The following CALN1 variants were observed in gnomAD, a reference collection of about 807,000 sequenced individuals.
The protein encoded by CALN1 is calcium-binding protein 8.
In CALN1, 17 loss-of-function variants were observed where a neutral mutation model predicts 30.6. The observed-to-expected ratio is 0.56, with a 90% confidence interval of 0.38 to 0.83. CALN1 has a LOEUF of 0.83. Ranked by LOEUF, CALN1 falls within the 40% of genes least tolerant of loss-of-function variation. The pLI, the probability that CALN1 is intolerant of heterozygous loss-of-function variation, is 0.00. For missense variants in CALN1, 291 were observed against 354.9 expected (o/e 0.82, Z 1.45); for synonymous variants, 156 against 131.4 (o/e 1.19, Z -1.28).
At chr7:71,890,817 C>T (rs533300174) in intron 5 of CALN1, among the ~76,000 whole-genome samples, 1 of 139,418 alleles carries the variant, frequency 7.2e-6, no homozygotes, top group East Asian at 2.1e-4. Context: ...GCAGTTATGG[C>T]TCACTGCAGC....
At chr7:71,924,004 C>T (rs1795122023) in intron 5 of CALN1, among the ~76,000 whole-genome samples, 2 of 152,028 alleles carry the variant, frequency 1.3e-5, no homozygotes, top group Non-Finnish European at 2.9e-5. Flanking sequence ...ACCATCCTGG[C>T]CAACATGGTG....
rs1383631732 is a variant in CALN1, at chr7:71,786,538, T to G, written c.*1237A>C. The G allele has an allele frequency of 6.6e-6, 1 of 152,218 alleles. No individual in the cohort carries two copies. The highest frequency in any genetic ancestry group is 2.4e-5 in the African/African-American group (1 of 41,456). 9.4% of individuals were successfully genotyped at this position (152,218 alleles called of 1,614,324 possible). On this transcript the variant is annotated 3_prime_UTR_variant, in exon 7 of 7. Coordinates refer to ENST00000395275, the MANE Select transcript of CALN1 (RefSeq NM_031468.4). ...GGCAGGAGTAAATTACCTGTTCTGT[T>G]GGCTAAACTCATAAACATCTTTTCC...
chr7:72,384,638 C>T (rs959874457), intron 2 of CALN1, among the ~76,000 whole-genome samples: 19 of 151,330 alleles, frequency 1.3e-4, no homozygotes, highest in Admixed American at 4.6e-4. Flanking sequence ...AGTGAGACCC[C>T]GTCTCAAGAA....
At chr7:72,363,808 A>C (rs1585584780) in intron 2 of CALN1, among the ~76,000 whole-genome samples, 1 of 147,960 alleles carries the variant, frequency 6.8e-6, no homozygotes, top group East Asian at 2.0e-4. Flanking sequence ...GCTCACTGCA[A>C]CCCCCGCCTC....
At chr7:72,467,264 A>G in the CALN1 span, among the ~76,000 whole-genome samples, 5 of 152,096 alleles carry the variant, frequency 3.3e-5, no homozygotes, top group Non-Finnish European at 5.9e-5. Context: ...GAGGTCCCCA[A>G]TCCTGCTGGT....
intron 5 of CALN1, among the ~76,000 whole-genome samples, chr7:71,848,447 G>A (rs1790446512): frequency 1.3e-5 from 2 of 152,124 alleles, no homozygotes; most frequent in African/African-American, 4.8e-5. Context: ...AACTAGGGGA[G>A]ACCTTTCTTC....
Position 71,833,404 on chromosome 7 carries a change from C to CAATG in CALN1, c.502-22916_502-22913dup, listed in dbSNP as rs530888391. ...TGTCCTAAGAAACGGGTAAAACAACCAATGCATGGAGGAAAATCCTCACTT... is the reference window on the plus strand; with the variant it reads ...TGTCCTAAGAAACGGGTAAAACAACCAATGAATGCATGGAGGAAAATCCTCACTT... On this transcript the variant is annotated intron_variant, in intron 5 of 6. Transcript: ENST00000395275. Among the ~76,000 whole-genome samples the CAATG allele has an allele frequency of 7.9e-5, 12 of 152,000 alleles. No homozygotes were observed. In the South Asian group the frequency reaches 2.5e-3, roughly 32 times the overall value.
At chr7:72,378,671 T>G (rs1316266389) in intron 2 of CALN1, among the ~76,000 whole-genome samples, 1 of 127,990 alleles carries the variant, frequency 7.8e-6, no homozygotes, top group South Asian at 3.0e-4. Flanking sequence ...TTATAATTTT[T>G]ATTTCCATCT....
chr7:72,180,312 CAACTATAGTGA>C (rs1475680364), intron 3 of CALN1, among the ~76,000 whole-genome samples: 8 of 152,126 alleles, frequency 5.3e-5, no homozygotes. Flanking sequence ...CTAGATATGC[CAACTATAGTGA>C]CAACTAGCAG....
chr7:71,973,746 T>C (rs1439508074), intron 5 of CALN1, among the ~76,000 whole-genome samples: 3 of 152,110 alleles, frequency 2.0e-5, no homozygotes, highest in African/African-American at 7.2e-5. Flanking sequence ...CCATTATCAC[T>C]GAAAATGAGC....
chr7:71,791,855 A>G (rs1786571834), intron 6 of CALN1, among the ~76,000 whole-genome samples: 1 of 152,090 alleles, frequency 6.6e-6, no homozygotes, highest in African/African-American at 2.4e-5. Context: ...TAAAACATAG[A>G]AAAAAATTAG....
At chr7:72,344,857 A>G (rs1338113585) in intron 2 of CALN1, among the ~76,000 whole-genome samples, 2 of 147,646 alleles carry the variant, frequency 1.4e-5, no homozygotes, top group Non-Finnish European at 3.0e-5. Flanking sequence ...TATATAGCAT[A>G]TATTTATATA....
the CALN1 span, among the ~76,000 whole-genome samples, chr7:72,454,302 A>G: frequency 2.0e-5 from 3 of 152,172 alleles, no homozygotes; most frequent in African/African-American, 7.2e-5. Flanking sequence ...TGGTGTCTCC[A>G]CTGGGAGGAG....
chr7:72,046,010 A>AC (rs897164956), intron 4 of CALN1, among the ~76,000 whole-genome samples: 1 of 151,072 alleles, frequency 6.6e-6, no homozygotes, highest in East Asian at 2.0e-4. Context: ...AAAAAAAAAA[A>AC]AAAAAAGGAT....
chr7:71,928,631 C>A (rs67149594), intron 5 of CALN1, among the ~76,000 whole-genome samples: 25,402 of 152,018 alleles, frequency 0.17, 2,335 homozygotes, highest in Non-Finnish European at 0.21. Context: ...CCATATCTTT[C>A]GCTTAAAGTA....
intron 2 of CALN1, among the ~76,000 whole-genome samples, chr7:72,310,613 G>GT (rs1020326831): frequency 6.6e-6 from 1 of 151,834 alleles, no homozygotes; most frequent in Non-Finnish European, 1.5e-5. Flanking sequence ...ACATCAAAAC[G>GT]TAAGAGCAGG....
intron 1 of CALN1, among the ~76,000 whole-genome samples, chr7:72,411,357 C>G (rs566148807): frequency 1.3e-5 from 2 of 152,086 alleles, no homozygotes; most frequent in South Asian, 4.2e-4. Context: ...ACAAAGAAAT[C>G]ATACAAAAGA....
At chr7:72,408,156 G>A (rs1806832962) in intron 1 of CALN1, among the ~76,000 whole-genome samples, 1 of 151,848 alleles carries the variant, frequency 6.6e-6, no homozygotes, top group Admixed American at 6.6e-5. Flanking sequence ...CCGTAGGCCT[G>A]GCATGGAGGC....
intron 3 of CALN1, among the ~76,000 whole-genome samples, chr7:72,109,905 C>T (rs1383606811): frequency 6.9e-6 from 1 of 145,978 alleles, no homozygotes; most frequent in African/African-American, 2.5e-5. Context: ...GATGTCCTTC[C>T]AGCCTCTATA....
Sources: gnomAD v4.1 joint callset for allele counts (sites outside exome capture counted in the v4.1 genomes callset) on GRCh38, gnomAD v4.1.1 for gene constraint, MANE v1.5 for transcripts, NCBI Gene and HGNC (gene_info 2026-07-23, HGNC 2026-07-21) for gene names.